PIEZO2: variants seen among roughly 807,000 people sequenced by gnomAD.
PIEZO2 encodes the protein piezo type mechanosensitive ion channel component 2, also known as piezo-type mechanosensitive ion channel component 2.
In PIEZO2, 172 loss-of-function variants were observed where a neutral mutation model predicts 337.3. The observed-to-expected ratio is 0.51, with a 90% CI of 0.45 to 0.58. PIEZO2 has a LOEUF of 0.58. PIEZO2 is among the 20% of genes least tolerant of loss of function. The pLI, the probability that PIEZO2 is intolerant of heterozygous loss-of-function variation, is 0.00. For synonymous variants in PIEZO2, 1,251 were observed against 1,228.5 expected (o/e 1.02, Z -0.38); for missense variants, 3,028 against 3,391.3 (o/e 0.89, Z 2.66).
rs74462128 is a variant in PIEZO2, at chr18:10,927,060, C to A, written c.287-15832G>T. 7.7e-3 allele frequency among the ~76,000 whole-genome samples: 1,176 copies of A among 152,280 alleles called. 16 individuals are homozygous for A. Among genetic ancestry groups the A allele is most frequent in the African/African-American group, 0.027 (1,104 of 41,550 alleles). ...CCACAAGGACCAAGGAGGAGCCTTG[C>A]GTTTCTGACCTGGGTCACACGCGGG... On this transcript the variant is annotated intron_variant, in intron 3 of 55. Coordinates refer to ENST00000674853, the MANE Select transcript of PIEZO2 (RefSeq NM_001378183.1).
At chr18:10,744,732 T>G (rs552059871) in intron 30 of PIEZO2, among the ~76,000 whole-genome samples, 15 of 152,308 alleles carry the variant, frequency 9.8e-5, no homozygotes, top group African/African-American at 3.4e-4. Context: ...TCCCTGATTC[T>G]CTTCTTCCTG....
At chr18:11,120,336 T>A (rs189307445) in intron 1 of PIEZO2, among the ~76,000 whole-genome samples, 50 of 152,324 alleles carry the variant, frequency 3.3e-4, no homozygotes, top group Non-Finnish European at 5.7e-4. Context: ...CTCAAAAAGA[T>A]ATGGTTTGTT....
At position 10,752,766 on chromosome 18, in the gene PIEZO2, A is replaced by C. The variant is rs1475001858; in HGVS notation, c.4037T>G (p.Leu1346Arg). 2 of 1,537,246 alleles carry C rather than the reference A, an allele frequency of 1.3e-6. No homozygotes were observed. Among genetic ancestry groups the C allele is most frequent in the Non-Finnish European group, 1.7e-6 (2 of 1,146,910 alleles). Residue 1346 changes from leucine to arginine, a missense_variant, in exon 28 of 56, where the codon CTG becomes CGG. Physicochemically the swap from Leu to Arg is moderately radical, Grantham distance 102. Transcript: ENST00000674853. ...TRISIFCMGY[L>R]VACFYFLLFG... ...GAGCAGGAAGTAGAAACAGGCCACC[A>C]GGTACCCCATGCAAAAGATGCTGAT...
chr18:10,716,442 G>C lies in PIEZO2; in HGVS notation c.5090-626C>G, dbSNP rs1409409033. Among the ~76,000 whole-genome samples, 1 of 152,082 alleles carries C rather than the reference G, an allele frequency of 6.6e-6. No individual in the cohort carries two copies. The highest frequency in any genetic ancestry group is 1.9e-4 in the East Asian group (1 of 5,194). On this transcript the variant is annotated intron_variant, in intron 37 of 55. Coordinates refer to ENST00000674853, the MANE Select transcript of PIEZO2 (RefSeq NM_001378183.1). The surrounding 1 kb of genome is among the most constrained non-coding windows in gnomAD (Gnocchi z 4.1). ...TTCTGTGTGACAATTTCCCACCTGT[G>C]CTGTCACTACCCTGGTGACACCCAA...
intron 41 of PIEZO2, 98 bp downstream of exon 41, chr18:10,705,237 CT>C: frequency 7.2e-7 from 1 of 1,393,056 alleles, no homozygotes; most frequent in East Asian, 2.5e-5. Flanking sequence ...TCCAGATGAA[CT>C]TTTTTCTATA....
chr18:10,864,838 C>T lies in PIEZO2; in HGVS notation c.492+6415G>A, dbSNP rs532872411. The stretch of plus-strand genomic sequence containing the variant: ...CAAGAATAAACTGAAGAGCGAATCC[C>T]GGAAGGACAAGAATGAGAAGAGCAT... On this transcript the variant is annotated intron_variant, in intron 5 of 55. Coordinates refer to ENST00000674853, the MANE Select transcript of PIEZO2 (RefSeq NM_001378183.1). Among the ~76,000 whole-genome samples the T allele has an allele frequency of 1.4e-3, 214 of 151,922 alleles. 2 individuals are homozygous for T. Among genetic ancestry groups the T allele is most frequent in the African/African-American group, 4.2e-3 (172 of 41,430 alleles).
At chr18:10,793,380 A>G (rs1365746369) in intron 13 of PIEZO2, among the ~76,000 whole-genome samples, 1 of 152,222 alleles carries the variant, frequency 6.6e-6, no homozygotes, top group Non-Finnish European at 1.5e-5. Flanking sequence ...GCATTAAAAT[A>G]TAAGTGCAGA....
At chr18:11,015,788 A>C (rs1568297740) in intron 2 of PIEZO2, among the ~76,000 whole-genome samples, 1 of 152,194 alleles carries the variant, frequency 6.6e-6, no homozygotes, top group Non-Finnish European at 1.5e-5. Flanking sequence ...GGTAGACTCG[A>C]ATTTCTTATG....
chr18:10,682,230 C>T lies in PIEZO2; in HGVS notation c.7560G>A (p.Met2520Ile), dbSNP rs967603389. The T allele has an allele frequency of 1.3e-6, 2 of 1,537,254 alleles. No homozygotes were observed. The highest frequency in any genetic ancestry group is 2.4e-5 in the East Asian group (1 of 40,912). Residue 2520 changes from methionine to isoleucine, a missense_variant, in exon 50 of 56, where the codon ATG becomes ATA. Met to Ile is a conservative substitution (Grantham distance 10). Around this residue, in one of 5 missense-constraint regions of PIEZO2, gnomAD observed 179 missense variants for 281.8 expected, o/e 0.64. Transcript: ENST00000674853. This position sits in a 1 kb window ranked among gnomAD's most constrained non-coding sequence, Gnocchi z 5.6. Reference sequence around the variant, plus strand: ...CAATGCAGATGAGCAGGACGATGATCATTCCTCCCATGCCATACTTCACCA... The same window carrying T: ...CAATGCAGATGAGCAGGACGATGATTATTCCTCCCATGCCATACTTCACCA... ...KKVVKYGMGG[M>I]IIVLLICIVW...
chr18:11,128,516 T>A lies in PIEZO2; in HGVS notation c.64+20009A>T, dbSNP rs1470223317. ...GAGTTTGTAAACTCTGATGAACCTT[T>A]TTTGCCAGAAGGAACAGCTTCCCCA... On this transcript the variant is annotated intron_variant, in intron 1 of 55. Transcript: ENST00000674853. This position sits in a 1 kb window ranked among gnomAD's most constrained non-coding sequence, Gnocchi z 4.1. 2.0e-5 allele frequency among the ~76,000 whole-genome samples: 3 copies of A among 152,152 alleles called. No individual in the cohort carries two copies. Among genetic ancestry groups the A allele is most frequent in the Admixed American group, 2.0e-4 (3 of 15,276 alleles).
Position 10,697,832 on chromosome 18 carries a change from C to G in PIEZO2, c.6743G>C (p.Ser2248Thr). The G allele has an allele frequency of 6.2e-7, 1 of 1,614,114 alleles. No homozygotes were observed. Among genetic ancestry groups the G allele is most frequent in the Non-Finnish European group, 8.5e-7 (1 of 1,180,012 alleles). The change falls in exon 45 of 56, where the codon AGT (serine) becomes ACT (threonine). Residue 2248 changes from serine to threonine, a missense_variant. By Grantham distance (58) the Ser-to-Thr change is moderately conservative. Coordinates refer to ENST00000674853, the MANE Select transcript of PIEZO2 (RefSeq NM_001378183.1). Reference protein sequence around the residue: ...NSSQKGSSVLSIKQKGKRELY... With the variant: ...NSSQKGSSVLTIKQKGKRELY... The stretch of plus-strand genomic sequence containing the variant: ...TTCCCTTTTGCCTTTTTGCTTAATA[C>G]TCAAAACACTGCTTCCTTTTTGACT...
At position 10,731,424 on chromosome 18, in the gene PIEZO2, C is replaced by G. The variant is rs1242907179; in HGVS notation, c.5012G>C (p.Arg1671Pro). The G allele has an allele frequency of 6.5e-7, 1 of 1,534,670 alleles. No individual in the cohort carries two copies. The highest frequency in any genetic ancestry group is 8.7e-7 in the Non-Finnish European group (1 of 1,145,736). The change falls in exon 36 of 56, where the codon CGG becomes CCG. Residue 1671 changes from arginine to proline, a missense_variant. Arg to Pro is a moderately radical substitution (Grantham distance 103, BLOSUM62 -2). Around this residue, in one of 5 missense-constraint regions of PIEZO2, gnomAD observed 1,925 missense variants for 2,051.9 expected, o/e 0.94. Coordinates refer to ENST00000674853, the MANE Select transcript of PIEZO2 (RefSeq NM_001378183.1). ...RSAREERKRR[R>P]KGSKEGPVEW... ...CCACTCACCCTCCTTGGATCCTTTC[C>G]GCCTTCGTTTCCGTTCTTCTCTTGC...
In PIEZO2 at chr18:10,744,197, C is replaced by T; in HGVS notation, c.4459G>A (p.Ala1487Thr). The change falls in exon 31 of 56, where the codon GCT becomes ACT. Residue 1487 changes from alanine (A) to threonine (T), a missense_variant. Transcript: ENST00000674853. ...TCTTCCTCAATTCTTGCCTTTACAGCTTTTACAATTGTGGCCTGGAAAAGT... is the reference window on the plus strand; with the variant it reads ...TCTTCCTCAATTCTTGCCTTTACAGTTTTTACAATTGTGGCCTGGAAAAGT... ...AELFQATIVK[A>T]VKARIEEEKK... 6.5e-7 allele frequency: 1 copy of T among 1,536,972 alleles called. No individual in the cohort carries two copies. The highest frequency in any genetic ancestry group is 8.7e-7 in the Non-Finnish European group (1 of 1,146,696).
chr18:10,767,112 C>T lies in PIEZO2; in HGVS notation c.2946+3036G>A, dbSNP rs1276423429. Among the ~76,000 whole-genome samples the T allele has an allele frequency of 6.6e-6, 1 of 151,488 alleles. No individual in the cohort carries two copies. Among genetic ancestry groups the T allele is most frequent in the East Asian group, 2.0e-4 (1 of 5,126 alleles). On this transcript the variant is annotated intron_variant, in intron 21 of 55. Coordinates refer to ENST00000674853, the MANE Select transcript of PIEZO2 (RefSeq NM_001378183.1). The surrounding 1 kb of genome is among the most constrained non-coding windows in gnomAD (Gnocchi z 4.2). ...GTGGCTCTTGCTCAAGACTCACTGACCTCACAGAGCTGTCCAATAGCCTTC... is the reference window on the plus strand; with the variant it reads ...GTGGCTCTTGCTCAAGACTCACTGATCTCACAGAGCTGTCCAATAGCCTTC...
chr18:10,765,583 G>T (rs1406719055), intron 21 of PIEZO2, among the ~76,000 whole-genome samples: 1 of 152,194 alleles, frequency 6.6e-6, no homozygotes, highest in African/African-American at 2.4e-5. Flanking sequence ...GTAATCTAAA[G>T]GGCAATGGAG....
intron 1 of PIEZO2, among the ~76,000 whole-genome samples, chr18:11,100,289 T>C (rs2039374673): frequency 6.6e-6 from 1 of 152,228 alleles, no homozygotes; most frequent in Admixed American, 6.5e-5. Flanking sequence ...CTTGCTAAAA[T>C]AATTGATGTT....
chr18:10,801,652 A>G (rs965474126), intron 9 of PIEZO2, among the ~76,000 whole-genome samples: 4 of 61,186 alleles, frequency 6.5e-5, no homozygotes, highest in African/African-American at 2.2e-4. Flanking sequence ...TTAGTTATAC[A>G]GCAGATAAGC....
At position 10,726,558 on chromosome 18, in the gene PIEZO2, T is replaced by C; in HGVS notation, c.5029+4849A>G. On this transcript the variant is annotated intron_variant, in intron 36 of 55. Coordinates refer to ENST00000674853, the MANE Select transcript of PIEZO2 (RefSeq NM_001378183.1). The surrounding 1 kb of genome is among the most constrained non-coding windows in gnomAD (Gnocchi z 5.9). The stretch of plus-strand genomic sequence containing the variant: ...TGCTCTGCTACACCAGCCGCCACGC[T>C]GTGCGTCTGTCCTTCCGCCAGCTCT... The C allele has an allele frequency of 7.1e-7, 1 of 1,409,554 alleles. No individual in the cohort carries two copies. The highest frequency in any genetic ancestry group is 9.4e-7 in the Non-Finnish European group (1 of 1,063,028). The allele number at this position is 1,409,554 out of a possible 1,614,324, so 87.3% of individuals were successfully genotyped here.
At chr18:10,977,310 A>G (rs904577755) in intron 3 of PIEZO2, among the ~76,000 whole-genome samples, 6 of 151,476 alleles carry the variant, frequency 4.0e-5, no homozygotes, top group African/African-American at 1.2e-4. Flanking sequence ...ACATATATAT[A>G]TATATATATA....
Sources: gnomAD v4.1 joint callset for allele counts (sites outside exome capture counted in the v4.1 genomes callset) on GRCh38, gnomAD v4.1.1 for gene constraint, gnomAD v4.1.1 regional missense constraint, Gnocchi (gnomAD v3.1) non-coding constraint, MANE v1.5 for transcripts, NCBI Gene and HGNC (gene_info 2026-07-23, HGNC 2026-07-21) for gene names.